The following KCNQ3 variants were observed in gnomAD, a reference collection of about 807,000 sequenced individuals.
KCNQ3 encodes the protein potassium voltage-gated channel subfamily KQT member 3.
Under a neutral mutation model 92.5 loss-of-function variants are expected in KCNQ3, and 30 were observed. That is an observed-to-expected ratio of 0.32 (90% CI 0.24 to 0.44). The LOEUF (loss-of-function observed/expected upper bound fraction) is 0.44. Among genes scored for constraint, KCNQ3 ranks in the 20% least tolerant of loss-of-function variants. KCNQ3 has a pLI of 1.00. For synonymous variants in KCNQ3, 450 were observed against 468.8 expected, an observed-to-expected ratio of 0.96 and a Z score of 0.52; for missense variants, 913 against 1,140.3, an observed-to-expected ratio of 0.80 and a Z score of 2.87.
chr8:132,212,048 AACCCTG>A (rs1179066972), intron 1 of KCNQ3, among the ~76,000 whole-genome samples: 5 of 151,874 alleles, frequency 3.3e-5, no homozygotes, highest in African/African-American at 9.7e-5. Flanking sequence ...CTCACTTCTC[AACCCTG>A]ACCCCCTGGG....
intron 1 of KCNQ3, among the ~76,000 whole-genome samples, chr8:132,298,449 A>G (rs1817113528): frequency 6.6e-6 from 1 of 152,204 alleles, no homozygotes; most frequent in African/African-American, 2.4e-5. Context: ...TGTACCAGGC[A>G]AAAGGAACTT....
At chr8:132,472,505 C>T (rs1298991683) in intron 1 of KCNQ3, among the ~76,000 whole-genome samples, 1 of 152,128 alleles carries the variant, frequency 6.6e-6, no homozygotes, top group Non-Finnish European at 1.5e-5. Flanking sequence ...ATAACCCACA[C>T]ACATAAAGAC....
rs545851403 is a variant in KCNQ3 at position 132,184,439 on chromosome 8, C to T, written c.478-72G>A. On this transcript the variant is annotated intron_variant, in intron 2 of 14. Coordinates refer to ENST00000388996, the MANE Select transcript of KCNQ3 (RefSeq NM_004519.4). ...TTGTCGGGAGCTGGTGATTTCTATTCGGAAGTTCTGAAGAACTCCATTTTG... is the reference window on the plus strand; with the variant it reads ...TTGTCGGGAGCTGGTGATTTCTATTTGGAAGTTCTGAAGAACTCCATTTTG... 38 of 1,490,520 alleles carry T rather than the reference C, an allele frequency of 2.5e-5. No homozygotes were observed. In the East Asian group the frequency reaches 8.4e-4, roughly 33 times the overall value. 92.3% of individuals were successfully genotyped at this position (1,490,520 alleles called of 1,614,324 possible).
chr8:132,310,800 G>A (rs1031651519), intron 1 of KCNQ3, among the ~76,000 whole-genome samples: 2 of 152,134 alleles, frequency 1.3e-5, no homozygotes, highest in Non-Finnish European at 2.9e-5. Context: ...AACTATATCC[G>A]AATAAATCTT....
At chr8:132,202,236 G>A (rs112773301) in intron 1 of KCNQ3, among the ~76,000 whole-genome samples, 70 of 152,196 alleles carry the variant, frequency 4.6e-4, no homozygotes, top group African/African-American at 1.7e-3. Context: ...TGGAAATCTT[G>A]CTCTCAAAGT....
At chr8:132,137,831 A>G (rs1825154196) in intron 12 of KCNQ3, 54 bp downstream of exon 12, 2 of 1,602,288 alleles carry the variant, frequency 1.2e-6, no homozygotes, top group African/African-American at 2.7e-5. Flanking sequence ...CTTAAACTCT[A>G]AGGTTCATAG....
chr8:132,447,674 G>A (rs1055562929), intron 1 of KCNQ3, among the ~76,000 whole-genome samples: 4 of 152,330 alleles, frequency 2.6e-5, no homozygotes, highest in East Asian at 3.9e-4. Flanking sequence ...CGCCACGAGC[G>A]CATGATTTAG....
At position 132,134,281 on chromosome 8, in the gene KCNQ3, T is replaced by C; in HGVS notation, c.1799+9A>G. 1.2e-6 allele frequency: 2 copies of C among 1,608,470 alleles called. No homozygotes were observed. Among genetic ancestry groups the C allele is most frequent in the Non-Finnish European group, 1.7e-6 (2 of 1,175,216 alleles). ...CCCTGGCCCATCAGTCCATGTCCAC[T>C]GGCCCCACCTGGGAGATTGCTGGGA... On this transcript the variant is annotated intron_variant, in intron 13 of 14. Coordinates refer to ENST00000388996, the MANE Select transcript of KCNQ3 (RefSeq NM_004519.4).
chr8:132,226,532 T>C (rs1814426466), intron 1 of KCNQ3, among the ~76,000 whole-genome samples: 1 of 152,138 alleles, frequency 6.6e-6, no homozygotes, highest in Admixed American at 6.5e-5. Flanking sequence ...TATAATAATT[T>C]CCAAGAAATA....
At chr8:132,261,199 G>T (rs531406283) in intron 1 of KCNQ3, among the ~76,000 whole-genome samples, 1 of 152,314 alleles carries the variant, frequency 6.6e-6, no homozygotes, top group Non-Finnish European at 1.5e-5. Context: ...CATTGGGTGG[G>T]ATATCCTGAA....
At chr8:132,467,905 C>T (rs1160140324) in intron 1 of KCNQ3, among the ~76,000 whole-genome samples, 2 of 152,148 alleles carry the variant, frequency 1.3e-5, no homozygotes, top group Admixed American at 6.5e-5. Context: ...TGAATGGATG[C>T]CCGCCTTGCA....
chr8:132,342,479 G>T (rs999025878), intron 1 of KCNQ3, among the ~76,000 whole-genome samples: 3 of 152,196 alleles, frequency 2.0e-5, no homozygotes, highest in Admixed American at 6.5e-5. Flanking sequence ...TTGGCCTATG[G>T]ATGTGTTTTG....
chr8:132,351,606 A>T (rs572618696), intron 1 of KCNQ3, among the ~76,000 whole-genome samples: 97 of 152,286 alleles, frequency 6.4e-4, no homozygotes, highest in East Asian at 7.7e-4. Flanking sequence ...CCAGTGGATG[A>T]CCATGAGGGT....
chr8:132,301,444 A>G (rs1019317532), intron 1 of KCNQ3, among the ~76,000 whole-genome samples: 1 of 152,128 alleles, frequency 6.6e-6, no homozygotes, highest in African/African-American at 2.4e-5. Context: ...CCATTTCCTT[A>G]TGGAGTCTTT....
chr8:132,455,025 G>A (rs1821907379), intron 1 of KCNQ3, among the ~76,000 whole-genome samples: 1 of 152,178 alleles, frequency 6.6e-6, no homozygotes, highest in Non-Finnish European at 1.5e-5. Context: ...AGAGGGGGAA[G>A]TAGTGAGTTA....
Position 132,189,016 on chromosome 8 carries a change from A to T in KCNQ3, c.387-2835T>A, listed in dbSNP as rs563431822. Among the ~76,000 whole-genome samples, 38 of 152,330 alleles carry T rather than the reference A, an allele frequency of 2.5e-4. 1 individual carries two copies. In the South Asian group the frequency reaches 6.6e-3, roughly 27 times the overall value. ...CAAAGAACCAGGTTTGATTTTTCTT[A>T]ACAAGGGATGTGGGCCTTTTATGAT... On this transcript the variant is annotated intron_variant, in intron 1 of 14. Transcript: ENST00000388996.
intron 1 of KCNQ3, among the ~76,000 whole-genome samples, chr8:132,340,149 T>C (rs1223039436): frequency 6.6e-6 from 1 of 152,174 alleles, no homozygotes. Context: ...AGGAATGCTT[T>C]TACACTGTTG....
rs1813836139 is a variant in KCNQ3 at position 132,211,031 on chromosome 8, G to A, written c.387-24850C>T. On this transcript the variant is annotated intron_variant, in intron 1 of 14. Transcript: ENST00000388996. ...TTGGGTCTCCCTCTGGGCCCCCACA[G>A]CACTCTGCACAGGCCTGCCTTGTCT... is the stretch of plus-strand genomic sequence containing the variant. Among the ~76,000 whole-genome samples, 12 of 152,190 alleles carry A rather than the reference G, an allele frequency of 7.9e-5. No individual in the cohort carries two copies. The South Asian group carries it at 2.5e-3, about 32-fold the overall frequency.
chr8:132,410,288 C>T (rs62520387), intron 1 of KCNQ3, among the ~76,000 whole-genome samples: 18,487 of 152,166 alleles, frequency 0.12, 1,487 homozygotes, highest in Non-Finnish European at 0.18. Flanking sequence ...AACTGGAGAA[C>T]ATGAGAGTAA....
Sources: gnomAD v4.1 joint callset for allele counts (sites outside exome capture counted in the v4.1 genomes callset) on GRCh38, gnomAD v4.1.1 for gene constraint, MANE v1.5 for transcripts, NCBI Gene and HGNC (gene_info 2026-07-23, HGNC 2026-07-21) for gene names.